STK39: variants seen among roughly 807,000 people sequenced by gnomAD.
STK39 encodes the protein serine/threonine kinase 39, also known as STE20/SPS1-related proline-alanine-rich protein kinase.
STK39 carries 20 observed loss-of-function variants against 77.8 expected under a neutral mutation model. The observed-to-expected ratio is 0.26, with a 90% confidence interval of 0.18 to 0.37. The LOEUF is 0.37. Ranked by LOEUF, STK39 falls within the 10% of genes least tolerant of loss-of-function variation. The pLI, the probability that STK39 is intolerant of heterozygous loss-of-function variation, is 1.00. For missense variants in STK39, 479 were observed against 656.5 expected (o/e 0.73, Z 2.95); for synonymous variants, 246 against 234.1 (o/e 1.05, Z -0.47).
chr2:168,135,395 T>C (rs1687805228), intron 8 of STK39, among the ~76,000 whole-genome samples: 1 of 152,178 alleles, frequency 6.6e-6, no homozygotes, highest in African/African-American at 2.4e-5. Flanking sequence ...AAGTGGGTAT[T>C]TTAAGGCCCA....
At chr2:168,120,940 T>A (rs2105488976) in intron 10 of STK39, among the ~76,000 whole-genome samples, 1 of 152,244 alleles carries the variant, frequency 6.6e-6, no homozygotes, top group South Asian at 2.1e-4. Flanking sequence ...CCCAGATTCC[T>A]GCAATGATGC....
intron 1 of STK39, among the ~76,000 whole-genome samples, chr2:168,195,835 G>T (rs1286109047): frequency 6.6e-6 from 1 of 152,174 alleles, no homozygotes; most frequent in Non-Finnish European, 1.5e-5. Context: ...TGGCCAACAC[G>T]GCAAAACCCC....
chr2:167,979,079 C>T (rs1683351876), intron 16 of STK39, among the ~76,000 whole-genome samples: 1 of 152,070 alleles, frequency 6.6e-6, no homozygotes, highest in Admixed American at 6.6e-5. Flanking sequence ...ATATTCACCT[C>T]TTGATGAATA....
intron 2 of STK39, among the ~76,000 whole-genome samples, chr2:168,179,194 C>T (rs1233116534): frequency 6.6e-6 from 1 of 152,134 alleles, no homozygotes; most frequent in Non-Finnish European, 1.5e-5. Context: ...ATATAATACA[C>T]ACTCATGGAA....
At chr2:168,076,502 A>G (rs946002557) in intron 10 of STK39, among the ~76,000 whole-genome samples, 1 of 152,214 alleles carries the variant, frequency 6.6e-6, no homozygotes, top group Non-Finnish European at 1.5e-5. Flanking sequence ...TATACATGTC[A>G]GATCAATGCG....
At chr2:168,152,164 T>A (rs1688304830) in intron 5 of STK39, among the ~76,000 whole-genome samples, 1 of 152,236 alleles carries the variant, frequency 6.6e-6, no homozygotes, top group Admixed American at 6.5e-5. Context: ...GTCAACTTTC[T>A]ATTAAATAAG....
At chr2:168,146,100 C>T (rs970129242) in intron 5 of STK39, among the ~76,000 whole-genome samples, 3 of 152,208 alleles carry the variant, frequency 2.0e-5, no homozygotes, top group Admixed American at 2.0e-4. Flanking sequence ...TAGTAGCAAG[C>T]ATAAGGATAA....
chr2:168,242,220 C>T (rs941110570), intron 1 of STK39, among the ~76,000 whole-genome samples: 20 of 151,760 alleles, frequency 1.3e-4, no homozygotes, highest in South Asian at 2.1e-4. Context: ...ACTTTAAGAA[C>T]GGTTAAAATG....
chr2:168,017,039 T>G lies in STK39; in HGVS notation c.1429+4A>C, dbSNP rs1240020783. ...ATAAAATAATAACTTCAATTAAAAC[T>G]TACCTCTTCCTGGAGTAAACTCAAA... On this transcript the variant is annotated splice_donor_region_variant and intron_variant, in intron 15 of 17. Transcript: ENST00000355999. 6.2e-7 allele frequency: 1 copy of G among 1,600,030 alleles called. No individual in the cohort carries two copies. Among genetic ancestry groups the G allele is most frequent in the Non-Finnish European group, 8.5e-7 (1 of 1,173,540 alleles).
intron 1 of STK39, among the ~76,000 whole-genome samples, chr2:168,237,072 C>A (rs1225492651): frequency 1.3e-5 from 2 of 151,964 alleles, no homozygotes; most frequent in African/African-American, 2.4e-5. Context: ...TTCTTCCTAT[C>A]CATGAGCATG....
At chr2:168,091,601 T>G (rs1173792045) in intron 10 of STK39, among the ~76,000 whole-genome samples, 1 of 152,200 alleles carries the variant, frequency 6.6e-6, no homozygotes, top group Non-Finnish European at 1.5e-5. Context: ...CTGACAGGTG[T>G]GACACGCTGA....
rs532936635 is a variant in STK39 at position 168,130,145 on chromosome 2, T to A, written c.975-387A>T. 5.3e-5 allele frequency among the ~76,000 whole-genome samples: 8 copies of A among 152,344 alleles called. No homozygotes were observed. In the South Asian group the frequency reaches 1.7e-3, roughly 32 times the overall value. Reference sequence around the variant, plus strand: ...TGACCCTGTCAAAGAAAGTATACTCTACTATGCTCTATGCTTCCCCAAGAG... The same window carrying A: ...TGACCCTGTCAAAGAAAGTATACTCAACTATGCTCTATGCTTCCCCAAGAG... On this transcript the variant is annotated intron_variant, in intron 8 of 17. Transcript: ENST00000355999.
At chr2:168,038,274 T>A (rs1168609510) in intron 14 of STK39, among the ~76,000 whole-genome samples, 2 of 152,060 alleles carry the variant, frequency 1.3e-5, no homozygotes, top group Non-Finnish European at 1.5e-5. Context: ...CACGAAAAAG[T>A]GTTTCTTTTA....
chr2:167,995,474 C>T (rs954216957), intron 16 of STK39, among the ~76,000 whole-genome samples: 1 of 152,090 alleles, frequency 6.6e-6, no homozygotes, highest in East Asian at 1.9e-4. Context: ...ACAGTGTATC[C>T]AAAATTCCAA....
intron 14 of STK39, among the ~76,000 whole-genome samples, chr2:168,018,538 A>AAAGAAAGAAAGAAAGAAAG (rs766988582): frequency 2.3e-5 from 2 of 85,490 alleles, no homozygotes; most frequent in Admixed American, 1.2e-4. Flanking sequence ...GAAAAGAAAG[A>AAAGAAAGAAAGAAAGAAAG]AAAGAAAGAA....
At chr2:168,042,296 A>G (rs922830354) in intron 14 of STK39, among the ~76,000 whole-genome samples, 1 of 152,242 alleles carries the variant, frequency 6.6e-6, no homozygotes, top group Non-Finnish European at 1.5e-5. Context: ...ATGTGGTTAC[A>G]TCAATGCTTA....
chr2:168,229,139 G>A lies in STK39; in HGVS notation c.208+18089C>T, dbSNP rs1448197746. On this transcript the variant is annotated intron_variant, in intron 1 of 17. Transcript: ENST00000355999. ...AATATCAACACTTTGGGAGGTCAAG[G>A]CGGGTGGATCACAAGGTCAGGAGTT... 2.6e-5 allele frequency among the ~76,000 whole-genome samples: 4 copies of A among 152,062 alleles called. 1 individual carries two copies. The East Asian group carries it at 7.7e-4, about 29-fold the overall frequency.
chr2:168,108,936 C>T (rs1247567095), intron 10 of STK39, among the ~76,000 whole-genome samples: 1 of 152,158 alleles, frequency 6.6e-6, no homozygotes, highest in Non-Finnish European at 1.5e-5. Flanking sequence ...CTAACTTAAT[C>T]CTTGTGGAGT....
chr2:168,227,597 C>A (rs1397084695), intron 1 of STK39, among the ~76,000 whole-genome samples: 3 of 152,216 alleles, frequency 2.0e-5, no homozygotes, highest in Non-Finnish European at 4.4e-5. Flanking sequence ...TGTTCAAACA[C>A]ATCCACAAAC....
Sources: allele counts gnomAD v4.1 joint callset (sites outside exome capture counted in the v4.1 genomes callset), GRCh38; gene constraint gnomAD v4.1.1; transcripts MANE v1.5; gene names NCBI Gene and HGNC (gene_info 2026-07-23, HGNC 2026-07-21).